MACROD2: variants seen among roughly 807,000 people sequenced by gnomAD.
MACROD2 encodes ADP-ribose glycohydrolase MACROD2.
MACROD2 carries 36 observed loss-of-function variants against 70.4 expected under a neutral mutation model. The ratio of observed to expected loss-of-function variants is 0.51; its 90% CI spans 0.39 to 0.68. MACROD2 has a LOEUF of 0.68. Among genes scored for constraint, MACROD2 ranks in the 30% least tolerant of loss-of-function variants. The probability of loss-of-function intolerance (pLI) is 0.00; values close to 1 mark genes in which losing one functional copy is unlikely to be tolerated. For missense variants in MACROD2, 496 were observed against 538.4 expected, an observed-to-expected ratio of 0.92 and a Z score of 0.78; for synonymous variants, 172 against 178.8, an observed-to-expected ratio of 0.96 and a Z score of 0.30.
rs373977546 is a variant in MACROD2, at chr20:15,681,654, G to A, written c.646-181091G>A. ...AGATAGAATGGCCAGTAGTTTGCAG[G>A]TGTTATATCATTTTCCTGTGATGAT... On this transcript the variant is annotated intron_variant, in intron 8 of 17. Coordinates refer to ENST00000684519, the MANE Select transcript of MACROD2 (RefSeq NM_001351661.2). 1.7e-4 allele frequency among the ~76,000 whole-genome samples: 26 copies of A among 152,272 alleles called. No individual in the cohort carries two copies. The East Asian group carries it at 4.6e-3, about 27-fold the overall frequency.
chr20:14,776,593 G>C (rs930559135), intron 5 of MACROD2, among the ~76,000 whole-genome samples: 5 of 152,022 alleles, frequency 3.3e-5, no homozygotes, highest in Non-Finnish European at 5.9e-5. Context: ...CTAATGACAT[G>C]ATGAACCCAT....
chr20:14,224,339 TTTGA>T (rs2081712255), intron 3 of MACROD2, among the ~76,000 whole-genome samples: 1 of 152,226 alleles, frequency 6.6e-6, no homozygotes, highest in South Asian at 2.1e-4. Flanking sequence ...TCAAGCCTAC[TTTGA>T]TTGATGGCAC....
At chr20:14,171,282 G>A (rs373185922) in intron 3 of MACROD2, among the ~76,000 whole-genome samples, 8 of 151,864 alleles carry the variant, frequency 5.3e-5, no homozygotes, top group African/African-American at 1.2e-4. Context: ...ATTAATTTTC[G>A]AATAACCAGC....
intron 8 of MACROD2, among the ~76,000 whole-genome samples, chr20:15,582,050 A>G (rs532729900): frequency 6.6e-6 from 1 of 151,818 alleles, no homozygotes; most frequent in Admixed American, 6.6e-5. Flanking sequence ...TGAACCTGGG[A>G]GGCCAAGGTT....
intron 3 of MACROD2, among the ~76,000 whole-genome samples, chr20:14,267,936 A>AT (rs1163981806): frequency 6.6e-6 from 1 of 151,344 alleles, no homozygotes; most frequent in African/African-American, 2.4e-5. Context: ...TAGGATATCA[A>AT]TTTTTTATTA....
chr20:15,358,191 TTC>T (rs2078311113), intron 6 of MACROD2, among the ~76,000 whole-genome samples: 1 of 152,162 alleles, frequency 6.6e-6, no homozygotes, highest in African/African-American at 2.4e-5. Context: ...AGAATATTAG[TTC>T]TGTGAGAAGT....
At chr20:15,546,177 G>A (rs767437304) in intron 8 of MACROD2, among the ~76,000 whole-genome samples, 37 of 152,222 alleles carry the variant, frequency 2.4e-4, no homozygotes, top group African/African-American at 7.0e-4. Flanking sequence ...CCTGGGAAGC[G>A]GAGGTTGCAG....
chr20:14,397,195 A>G (rs2083590686), intron 3 of MACROD2, among the ~76,000 whole-genome samples: 1 of 151,720 alleles, frequency 6.6e-6, no homozygotes, highest in South Asian at 2.1e-4. Context: ...GAGTTTCACC[A>G]TATTGGCCAG....
At chr20:15,101,533 T>TAAAAAAAAAAAAAAAAAAAAA (rs1568573864) in intron 5 of MACROD2, among the ~76,000 whole-genome samples, 1 of 7,500 alleles carries the variant, frequency 1.3e-4, no homozygotes, top group African/African-American at 2.3e-4. Flanking sequence ...AGGTGTTGGT[T>TAAAAAAAAAAAAAAAAAAAAA]CAAAAAAAAA....
chr20:14,103,879 G>A (rs11908338), intron 3 of MACROD2, among the ~76,000 whole-genome samples: 26,439 of 151,976 alleles, frequency 0.17, 2,478 homozygotes, highest in South Asian at 0.23. Context: ...AGCAGGCTGC[G>A]ACAAACATCC....
chr20:14,881,817 G>A (rs1159592284), intron 5 of MACROD2, among the ~76,000 whole-genome samples: 1 of 152,102 alleles, frequency 6.6e-6, no homozygotes, highest in African/African-American at 2.4e-5. Context: ...GGGACCAGGG[G>A]AAGTTCCTGG....
chr20:15,302,638 TC>T (rs1478236808), intron 6 of MACROD2, among the ~76,000 whole-genome samples: 1 of 152,236 alleles, frequency 6.6e-6, no homozygotes, highest in Non-Finnish European at 1.5e-5. Context: ...ATGGGATAAA[TC>T]CCCAGTTGGG....
chr20:15,801,582 CATGGTGT>C (rs1246158972), intron 8 of MACROD2, among the ~76,000 whole-genome samples: 1 of 151,784 alleles, frequency 6.6e-6, no homozygotes, highest in African/African-American at 2.4e-5. Context: ...ATACCAGTAC[CATGGTGT>C]TTGGGTTACT....
intron 12 of MACROD2, among the ~76,000 whole-genome samples, chr20:15,942,765 C>T (rs567883047): frequency 6.6e-6 from 1 of 152,144 alleles, no homozygotes; most frequent in South Asian, 2.1e-4. Context: ...TCAACACTTC[C>T]AATAGCTCAT....
At chr20:15,856,819 G>A (rs1291836485) in intron 8 of MACROD2, among the ~76,000 whole-genome samples, 5 of 152,150 alleles carry the variant, frequency 3.3e-5, no homozygotes, top group African/African-American at 1.2e-4. Context: ...TCATAAAAGA[G>A]CAAATTATTT....
intron 5 of MACROD2, among the ~76,000 whole-genome samples, chr20:15,092,038 A>G (rs1186655820): frequency 6.6e-6 from 1 of 152,142 alleles, no homozygotes; most frequent in Non-Finnish European, 1.5e-5. Context: ...GTCATTGTGT[A>G]TGCACAGAGT....
chr20:15,319,311 A>G (rs2077848270), intron 6 of MACROD2, among the ~76,000 whole-genome samples: 1 of 152,248 alleles, frequency 6.6e-6, no homozygotes, highest in Non-Finnish European at 1.5e-5. Context: ...TCAAGAAGCT[A>G]TAAATAAATG....
intron 4 of MACROD2, among the ~76,000 whole-genome samples, chr20:14,677,842 G>C (rs1200774437): frequency 6.6e-6 from 1 of 152,124 alleles, no homozygotes; most frequent in Non-Finnish European, 1.5e-5. Flanking sequence ...AGGACTCTGA[G>C]ACATACCTAG....
At chr20:14,661,578 C>T (rs1003651920) in intron 4 of MACROD2, among the ~76,000 whole-genome samples, 3 of 152,008 alleles carry the variant, frequency 2.0e-5, no homozygotes, top group South Asian at 2.1e-4. Flanking sequence ...TGTCAATTTT[C>T]GGTTTTGTTG....
Sources: gnomAD v4.1 joint callset for allele counts (sites outside exome capture counted in the v4.1 genomes callset) on GRCh38, gnomAD v4.1.1 for gene constraint, MANE v1.5 for transcripts, NCBI Gene and HGNC (gene_info 2026-07-23, HGNC 2026-07-21) for gene names.